The following TGFBR3 variants were observed in gnomAD, a reference collection of about 807,000 sequenced individuals.
TGFBR3 encodes transforming growth factor beta receptor 3.
TGFBR3 carries 46 observed loss-of-function variants against 87.9 expected under a neutral mutation model. The observed-to-expected ratio is 0.52, with a 90% CI of 0.41 to 0.67. The LOEUF is 0.67. Among genes scored for constraint, TGFBR3 ranks in the 30% least tolerant of loss-of-function variants. The probability of loss-of-function intolerance (pLI) is 0.00; values close to 1 mark genes in which losing one functional copy is unlikely to be tolerated. For missense variants in TGFBR3, 866 were observed against 1,041.9 expected (o/e 0.83, Z 2.32); for synonymous variants, 381 against 391.6 (o/e 0.97, Z 0.32).
At position 91,680,357 on chromosome 1, in the gene TGFBR3, A is replaced by T. The variant is rs532466392; in HGVS notation, c.*3382T>A. On this transcript the variant is annotated 3_prime_UTR_variant, in exon 17 of 17. Transcript: ENST00000212355. ...CAAGACACATATTAATAACTGATATATATCTTTTTATTATGCACAGATAAA... is the reference window on the plus strand; with the variant it reads ...CAAGACACATATTAATAACTGATATTTATCTTTTTATTATGCACAGATAAA... 2.3e-6 allele frequency: 1 copy of T among 436,140 alleles called. No homozygotes were observed. Among genetic ancestry groups the T allele is most frequent in the Non-Finnish European group, 4.5e-6 (1 of 221,138 alleles). The allele number at this position is 436,140 out of a possible 1,614,324, so 27.0% of individuals were successfully genotyped here.
At chr1:91,844,042 T>C (rs879259987) in intron 2 of TGFBR3, among the ~76,000 whole-genome samples, 1 of 152,188 alleles carries the variant, frequency 6.6e-6, no homozygotes, top group Non-Finnish European at 1.5e-5. Flanking sequence ...AGGCACAACA[T>C]CCAATCTTTG....
chr1:91,766,324 CA>C (rs1225245071), intron 3 of TGFBR3: 1 of 151,844 alleles, frequency 6.6e-6, no homozygotes, highest in African/African-American at 2.4e-5. Flanking sequence ...GTGTGAGCCA[CA>C]CAGTACCTAG....
At chr1:91,857,557 G>C (rs78203305) in intron 2 of TGFBR3, among the ~76,000 whole-genome samples, 1 of 152,058 alleles carries the variant, frequency 6.6e-6, no homozygotes, top group Non-Finnish European at 1.5e-5. Context: ...GAGGTCTTTG[G>C]GTTTTACTTG....
chr1:91,875,801 A>AG (rs1678777860), intron 1 of TGFBR3, among the ~76,000 whole-genome samples: 1 of 5,868 alleles, frequency 1.7e-4, no homozygotes. Context: ...GGGGGGTGGG[A>AG]GTGTGCAGCT....
chr1:91,709,079 A>G (rs1671893752), intron 13 of TGFBR3, among the ~76,000 whole-genome samples: 1 of 152,168 alleles, frequency 6.6e-6, no homozygotes, highest in Admixed American at 6.5e-5. Flanking sequence ...TAGTTTGAAA[A>G]ACAGAAAAAC....
intron 2 of TGFBR3, among the ~76,000 whole-genome samples, chr1:91,855,282 A>G (rs1248965516): frequency 6.6e-6 from 1 of 152,220 alleles, no homozygotes; most frequent in Non-Finnish European, 1.5e-5. Context: ...TGAAGAAGTT[A>G]GCCATTCCAC....
At position 91,720,011 on chromosome 1, in the gene TGFBR3, A is replaced by G. The variant is rs1393627104; in HGVS notation, c.1295T>C (p.Ile432Thr). The G allele has an allele frequency of 3.1e-6, 5 of 1,614,088 alleles. No homozygotes were observed. In the African/African-American group the frequency reaches 4.0e-5, roughly 13 times the overall value. ...CTCTCTGAGACCAGGAAACAGTTGT[A>G]TGCTGGGAATGACAGGGTCCTTTGG... ...PRPKDPVIPS[I>T]QLFPGLREPE... Residue 432 changes from isoleucine to threonine, a missense_variant, in exon 9 of 17, where the codon ATA (isoleucine) becomes ACA (threonine). By Grantham distance (89) the Ile-to-Thr change is moderately conservative (BLOSUM62 -1). Transcript: ENST00000212355.
At chr1:91,830,260 G>T (rs995165576) in intron 2 of TGFBR3, among the ~76,000 whole-genome samples, 9 of 152,180 alleles carry the variant, frequency 5.9e-5, no homozygotes, top group African/African-American at 2.2e-4. Flanking sequence ...GCCTGGCAGG[G>T]TTATGCTTGG....
At chr1:91,857,676 C>T (rs1055829765) in intron 2 of TGFBR3, among the ~76,000 whole-genome samples, 5 of 152,164 alleles carry the variant, frequency 3.3e-5, no homozygotes, top group Non-Finnish European at 2.9e-5. Flanking sequence ...CAGTGGCTCA[C>T]GCCTTTAATC....
intron 6 of TGFBR3, 196 bp from the exon 7 acceptor site, chr1:91,728,002 A>G: frequency 1.6e-6 from 1 of 626,822 alleles, no homozygotes; most frequent in South Asian, 1.9e-5. Context: ...CAATAGAAAC[A>G]TATGCTTGCT....
At chr1:91,857,501 G>A (rs368638674) in intron 2 of TGFBR3, among the ~76,000 whole-genome samples, 1 of 152,166 alleles carries the variant, frequency 6.6e-6, no homozygotes. Flanking sequence ...CCACATAGCT[G>A]TCCCTGGCTA....
chr1:91,870,219 C>T (rs548420148), intron 1 of TGFBR3, among the ~76,000 whole-genome samples: 2 of 152,256 alleles, frequency 1.3e-5, no homozygotes, highest in South Asian at 4.2e-4. Context: ...CCTCAAAGTC[C>T]AAGAACTCTA....
At chr1:91,790,439 T>C (rs284143) in intron 3 of TGFBR3, among the ~76,000 whole-genome samples, 104,498 of 152,060 alleles carry the variant, frequency 0.69, 35,993 homozygotes, top group East Asian at 0.79. Context: ...TTTCTCTGAA[T>C]GTGTCTCTGT....
chr1:91,903,338 C>CA (rs58672104), intron 1 of TGFBR3, among the ~76,000 whole-genome samples: 602 of 50,496 alleles, frequency 0.012, 66 homozygotes, highest in East Asian at 0.034. Context: ...GATTCTGCCT[C>CA]AAAAAAAAAA....
At chr1:91,732,448 C>T (rs376449852) in intron 5 of TGFBR3, among the ~76,000 whole-genome samples, 1 of 152,154 alleles carries the variant, frequency 6.6e-6, no homozygotes, top group Non-Finnish European at 1.5e-5. Context: ...CCAAGTGATG[C>T]GGATGCTGCT....
chr1:91,712,135 G>C, intron 13 of TGFBR3, 108 bp downstream of exon 13: 4 of 941,608 alleles, frequency 4.2e-6, no homozygotes, highest in Non-Finnish European at 6.7e-6. Context: ...ATTTCAGTTG[G>C]GCAGTTCCAA....
intron 2 of TGFBR3, among the ~76,000 whole-genome samples, chr1:91,820,808 G>A (rs111278479): frequency 5.9e-5 from 9 of 152,284 alleles, no homozygotes; most frequent in African/African-American, 2.2e-4. Context: ...CTTTTTGTAT[G>A]TAAAGAATGA....
chr1:91,872,458 C>T (rs923113118), intron 1 of TGFBR3, among the ~76,000 whole-genome samples: 7 of 152,122 alleles, frequency 4.6e-5, no homozygotes, highest in Non-Finnish European at 1.0e-4. Flanking sequence ...TTAAAGAATC[C>T]GTTCTCCAAT....
chr1:91,792,934 C>T (rs1389817827), intron 3 of TGFBR3, among the ~76,000 whole-genome samples: 1 of 152,214 alleles, frequency 6.6e-6, no homozygotes, highest in African/African-American at 2.4e-5. Context: ...GTTTCCGAAA[C>T]CAATGATTAC....
Sources: gnomAD v4.1 joint callset for allele counts (sites outside exome capture counted in the v4.1 genomes callset) on GRCh38, gnomAD v4.1.1 for gene constraint, MANE v1.5 for transcripts, NCBI Gene and HGNC (gene_info 2026-07-23, HGNC 2026-07-21) for gene names.